Variants in MTSS1 observed in about 807,000 individuals in gnomAD.
The protein encoded by MTSS1 is MTSS I-BAR domain containing 1, also known as protein MTSS 1.
MTSS1 carries 18 observed loss-of-function variants against 79.0 expected under a neutral mutation model. That is an observed-to-expected ratio of 0.23 (90% CI 0.16 to 0.34). The LOEUF is 0.34. Ranked by LOEUF, MTSS1 falls within the 10% of genes least tolerant of loss-of-function variation. The probability of loss-of-function intolerance (pLI) is 1.00; values close to 1 mark genes in which losing one functional copy is unlikely to be tolerated. For missense variants in MTSS1, 815 were observed against 986.2 expected, an observed-to-expected ratio of 0.83 and a Z score of 2.33; for synonymous variants, 341 against 368.6, an observed-to-expected ratio of 0.93 and a Z score of 0.86.
chr8:124,702,896 G>C (rs951652533), intron 2 of MTSS1, among the ~76,000 whole-genome samples: 1 of 152,182 alleles, frequency 6.6e-6, no homozygotes, highest in African/African-American at 2.4e-5. Context: ...TAAAAGGGTA[G>C]AGCTTTAATA....
intron 6 of MTSS1, among the ~76,000 whole-genome samples, chr8:124,574,385 G>A (rs1176989536): frequency 3.9e-5 from 6 of 152,094 alleles, no homozygotes; most frequent in Non-Finnish European, 5.9e-5. Flanking sequence ...ATGAATATCC[G>A]TTTTGATAGA....
chr8:124,583,876 A>C (rs1484883363), intron 6 of MTSS1, among the ~76,000 whole-genome samples: 3 of 152,222 alleles, frequency 2.0e-5, no homozygotes, highest in African/African-American at 7.2e-5. Flanking sequence ...TTACTATGTC[A>C]CAAACCCTAT....
intron 3 of MTSS1, among the ~76,000 whole-genome samples, chr8:124,607,880 G>A (rs1835142527): frequency 6.6e-6 from 1 of 152,080 alleles, no homozygotes; most frequent in Admixed American, 6.5e-5. Flanking sequence ...CAGAAAAGGG[G>A]GGGCTTAATT....
chr8:124,668,857 G>A (rs61582723), intron 3 of MTSS1, among the ~76,000 whole-genome samples: 4,236 of 152,230 alleles, frequency 0.028, 191 homozygotes, highest in African/African-American at 0.096. Flanking sequence ...CCCGTGAAGT[G>A]CAAACCACCA....
chr8:124,644,805 C>A (rs530505601), intron 3 of MTSS1, among the ~76,000 whole-genome samples: 8 of 144,120 alleles, frequency 5.6e-5, no homozygotes, highest in African/African-American at 2.0e-4. Context: ...CATGGAGAAA[C>A]CTAAGTCATC....
chr8:124,597,994 C>A lies in MTSS1; in HGVS notation c.209-6759G>T, dbSNP rs1833059658. Among the ~76,000 whole-genome samples the A allele has an allele frequency of 6.6e-6, 1 of 152,120 alleles. No homozygotes were observed. Among genetic ancestry groups the A allele is most frequent in the African/African-American group, 2.4e-5 (1 of 41,418 alleles). ...TGTTATCAATAATGACCATTTTGGG[C>A]CAGGCATGATGGCCATGCCTATAAT... On this transcript the variant is annotated intron_variant, in intron 3 of 13. Coordinates refer to ENST00000518547, the MANE Select transcript of MTSS1 (RefSeq NM_014751.6). This position sits in a 1 kb window ranked among gnomAD's most constrained non-coding sequence, Gnocchi z 4.6.
At chr8:124,569,678 C>T (rs919554960) in intron 6 of MTSS1, among the ~76,000 whole-genome samples, 4 of 152,206 alleles carry the variant, frequency 2.6e-5, no homozygotes, top group Non-Finnish European at 5.9e-5. Context: ...CAGCACAGCC[C>T]CTAGTACAAT....
Position 124,683,392 on chromosome 8 carries a change from C to T in MTSS1, c.208+16134G>A, listed in dbSNP as rs577711588. Among the ~76,000 whole-genome samples the T allele has an allele frequency of 1.2e-4, 19 of 152,228 alleles. No individual in the cohort carries two copies. The highest frequency in any genetic ancestry group is 4.1e-4 in the South Asian group (2 of 4,830). On this transcript the variant is annotated intron_variant, in intron 3 of 13. Coordinates refer to ENST00000518547, the MANE Select transcript of MTSS1 (RefSeq NM_014751.6). The surrounding 1 kb of genome is among the most constrained non-coding windows in gnomAD (Gnocchi z 4.5). Reference sequence around the variant, plus strand: ...AGCTTTATGTATATATAGATATATACGTATATACACATATAGATATGTACA... The same window carrying T: ...AGCTTTATGTATATATAGATATATATGTATATACACATATAGATATGTACA...
chr8:124,682,602 C>T (rs535698127), intron 3 of MTSS1, among the ~76,000 whole-genome samples: 4 of 152,246 alleles, frequency 2.6e-5, no homozygotes, highest in Admixed American at 1.3e-4. Context: ...CTAAAGTGGC[C>T]GGTTTGGCTC....
chr8:124,638,527 G>T (rs1817447330), intron 3 of MTSS1, among the ~76,000 whole-genome samples: 1 of 152,162 alleles, frequency 6.6e-6, no homozygotes, highest in Non-Finnish European at 1.5e-5. Context: ...TTCCCCGGCG[G>T]AGATCCGTGC....
At chr8:124,623,079 A>T (rs1357157004) in intron 3 of MTSS1, among the ~76,000 whole-genome samples, 1 of 152,230 alleles carries the variant, frequency 6.6e-6, no homozygotes, top group East Asian at 1.9e-4. Flanking sequence ...GGAAGCACTC[A>T]AGTGGTTCCT....
At chr8:124,723,035 C>T (rs970956898) in intron 1 of MTSS1, among the ~76,000 whole-genome samples, 1 of 152,156 alleles carries the variant, frequency 6.6e-6, no homozygotes, top group Admixed American at 6.5e-5. Flanking sequence ...ATTTTAACAG[C>T]CTTAAGTAAG....
intron 6 of MTSS1, among the ~76,000 whole-genome samples, chr8:124,581,076 C>T (rs981146543): frequency 6.6e-6 from 1 of 152,140 alleles, no homozygotes; most frequent in Non-Finnish European, 1.5e-5. Context: ...GGCTTTGCAG[C>T]CTCTAGTGGA....
intron 2 of MTSS1, among the ~76,000 whole-genome samples, chr8:124,702,919 C>T (rs956813317): frequency 2.6e-5 from 4 of 152,158 alleles, no homozygotes; most frequent in African/African-American, 9.7e-5. Flanking sequence ...AAGATGCCAA[C>T]GTATTTTCTA....
At chr8:124,622,995 T>G (rs73341898) in intron 3 of MTSS1, among the ~76,000 whole-genome samples, 1 of 152,160 alleles carries the variant, frequency 6.6e-6, no homozygotes, top group African/African-American at 2.4e-5. Context: ...AGCCCATCCC[T>G]GTGTAACAGT....
chr8:124,708,606 G>A (rs1007167800), intron 1 of MTSS1, among the ~76,000 whole-genome samples: 4 of 152,154 alleles, frequency 2.6e-5, no homozygotes, highest in African/African-American at 9.7e-5. Flanking sequence ...TGAGATGAGT[G>A]TGCCTGAAAA....
chr8:124,717,373 A>G (rs1832207867), intron 1 of MTSS1, among the ~76,000 whole-genome samples: 1 of 151,898 alleles, frequency 6.6e-6, no homozygotes, highest in Non-Finnish European at 1.5e-5. Flanking sequence ...GTGCATGTCT[A>G]TAGTCCTAGC....
rs749882813 is a variant in MTSS1, at chr8:124,552,994, A to G, written c.2266T>C (p.Ter756GlnextTer10). Residue 756 changes from the stop codon to glutamine (Q), a stop_lost, in exon 14 of 14, where the codon TAG (stop) becomes CAG (glutamine). Transcript: ENST00000518547. ...TNDRSAPRFS* is the reference protein window; with the variant it reads ...TNDRSAPRFSQ ...CCACCGGCGCATTTCTTGTGAACCT[A>G]AGAAAAGCGAGGGGCTGAGCGATCG... 5 of 1,610,332 alleles carry G rather than the reference A, an allele frequency of 3.1e-6. No homozygotes were observed. The South Asian group carries it at 4.4e-5, about 14-fold the overall frequency.
intron 3 of MTSS1, among the ~76,000 whole-genome samples, chr8:124,602,042 C>T (rs185715791): frequency 1.3e-3 from 191 of 151,668 alleles, no homozygotes; most frequent in African/African-American, 4.4e-3. Flanking sequence ...CAATGCTTTA[C>T]CCAAAGATTT....
Sources: allele counts gnomAD v4.1 joint callset (sites outside exome capture counted in the v4.1 genomes callset), GRCh38; gene constraint gnomAD v4.1.1; non-coding constraint Gnocchi (gnomAD v3.1); transcripts MANE v1.5; gene names NCBI Gene and HGNC (gene_info 2026-07-23, HGNC 2026-07-21).